The following PPP3CA variants were observed in gnomAD, a reference collection of about 807,000 sequenced individuals.
PPP3CA encodes protein phosphatase 3 catalytic subunit alpha.
In PPP3CA, 14 loss-of-function variants were observed where a neutral mutation model predicts 66.5. That is an observed-to-expected ratio of 0.21 (90% CI 0.14 to 0.33). The LOEUF is 0.33. Ranked by LOEUF, PPP3CA falls within the 10% of genes least tolerant of loss-of-function variation. PPP3CA has a pLI of 1.00. For missense variants in PPP3CA, 317 were observed against 639.5 expected, an observed-to-expected ratio of 0.50 and a Z score of 5.44; for synonymous variants, 232 against 226.2, an observed-to-expected ratio of 1.03 and a Z score of -0.23.
At chr4:101,211,236 T>A (rs938226039) in intron 1 of PPP3CA, among the ~76,000 whole-genome samples, 8 of 152,150 alleles carry the variant, frequency 5.3e-5, no homozygotes, top group Admixed American at 3.9e-4. Flanking sequence ...TCCCTGTAGA[T>A]AAGTGACTCA....
At chr4:101,097,221 T>C (rs1224200175) in intron 5 of PPP3CA, among the ~76,000 whole-genome samples, 1 of 152,148 alleles carries the variant, frequency 6.6e-6, no homozygotes, top group East Asian at 1.9e-4. Flanking sequence ...ATCTTTATAG[T>C]TCAAATACAG....
At chr4:101,109,229 A>C (rs1721570931) in intron 2 of PPP3CA, 151 bp from the exon 3 acceptor site, 1 of 865,384 alleles carries the variant, frequency 1.2e-6, no homozygotes, top group African/African-American at 1.7e-5. Context: ...AGAAAAGCTA[A>C]GTATTTTGCT....
intron 1 of PPP3CA, among the ~76,000 whole-genome samples, chr4:101,268,153 C>A (rs1050711329): frequency 1.3e-5 from 2 of 151,816 alleles, no homozygotes; most frequent in African/African-American, 2.4e-5. Flanking sequence ...GCCTGGGGAA[C>A]ATAGAGAGAT....
chr4:101,330,153 T>TTTG (rs1191525316), intron 1 of PPP3CA: 6 of 362,638 alleles, frequency 1.7e-5, no homozygotes, highest in African/African-American at 1.3e-4. Flanking sequence ...AATATCCACA[T>TTTG]TAACAAGAGT....
intron 2 of PPP3CA, among the ~76,000 whole-genome samples, chr4:101,166,270 A>C (rs1473754863): frequency 6.6e-6 from 1 of 152,094 alleles, no homozygotes; most frequent in African/African-American, 2.4e-5. Flanking sequence ...GGCTTTTCTG[A>C]GGTACACAAT....
At chr4:101,155,386 G>C (rs1215620359) in intron 2 of PPP3CA, among the ~76,000 whole-genome samples, 1 of 152,180 alleles carries the variant, frequency 6.6e-6, no homozygotes, top group Non-Finnish European at 1.5e-5. Flanking sequence ...CCCCTGAAGA[G>C]GTAAGGTAGG....
intron 3 of PPP3CA, among the ~76,000 whole-genome samples, chr4:101,101,981 C>T (rs975850820): frequency 6.6e-6 from 1 of 152,098 alleles, no homozygotes; most frequent in African/African-American, 2.4e-5. Context: ...TGTTAAAGAC[C>T]TTTTTCTGAC....
chr4:101,129,101 T>A (rs1300228748), intron 2 of PPP3CA, among the ~76,000 whole-genome samples: 2 of 152,094 alleles, frequency 1.3e-5, no homozygotes, highest in African/African-American at 4.8e-5. Context: ...AGTAGGCAGT[T>A]TTCCCCTCAC....
intron 6 of PPP3CA, among the ~76,000 whole-genome samples, chr4:101,093,396 A>G (rs1730043760): frequency 6.7e-6 from 1 of 148,232 alleles, no homozygotes; most frequent in African/African-American, 2.5e-5. Flanking sequence ...TGATTAAGGT[A>G]TGTACATTTG....
At chr4:101,147,720 A>G (rs1256118228) in intron 2 of PPP3CA, among the ~76,000 whole-genome samples, 2 of 152,248 alleles carry the variant, frequency 1.3e-5, no homozygotes, top group African/African-American at 4.8e-5. Context: ...ACACACACAC[A>G]CACACCCATA....
chr4:101,312,605 T>A (rs188300594), intron 1 of PPP3CA, among the ~76,000 whole-genome samples: 66 of 152,192 alleles, frequency 4.3e-4, no homozygotes, highest in African/African-American at 1.6e-3. Context: ...TTCAGACTTA[T>A]GTGAAAAATT....
intron 1 of PPP3CA, among the ~76,000 whole-genome samples, chr4:101,278,145 A>AAATAAATT (rs1560694564): frequency 2.0e-5 from 3 of 148,500 alleles, no homozygotes; most frequent in African/African-American, 7.7e-5. Context: ...AAAAATAAAA[A>AAATAAATT]AATTAAAAAG....
intron 1 of PPP3CA, among the ~76,000 whole-genome samples, chr4:101,224,629 C>T (rs1578569716): frequency 6.6e-6 from 1 of 151,732 alleles, no homozygotes; most frequent in Non-Finnish European, 1.5e-5. Context: ...TGAAGCTGGA[C>T]TTTGAAAAAC....
At chr4:101,095,476 T>C (rs1484358459) in intron 5 of PPP3CA, among the ~76,000 whole-genome samples, 2 of 152,232 alleles carry the variant, frequency 1.3e-5, no homozygotes, top group Non-Finnish European at 2.9e-5. Context: ...TCTGGCCATG[T>C]GCAGAGCTTA....
At chr4:101,108,735 C>T (rs1578455390) in intron 3 of PPP3CA, among the ~76,000 whole-genome samples, 1 of 152,204 alleles carries the variant, frequency 6.6e-6, no homozygotes, top group Admixed American at 6.5e-5. Flanking sequence ...CGCCACTGCA[C>T]TCCAGCCTGG....
chr4:101,030,684 A>G (rs1409709249), intron 12 of PPP3CA, among the ~76,000 whole-genome samples: 1 of 152,164 alleles, frequency 6.6e-6, no homozygotes, highest in Non-Finnish European at 1.5e-5. Context: ...CGTAAGTTTA[A>G]AAGTAAAGCA....
intron 1 of PPP3CA, among the ~76,000 whole-genome samples, chr4:101,196,910 C>T (rs1354193540): frequency 6.6e-6 from 1 of 152,140 alleles, no homozygotes; most frequent in Non-Finnish European, 1.5e-5. Flanking sequence ...TCACTCATTC[C>T]GCCAGAGGAC....
intron 2 of PPP3CA, among the ~76,000 whole-genome samples, chr4:101,120,221 A>G (rs1327115870): frequency 1.3e-5 from 2 of 152,154 alleles, no homozygotes. Context: ...TAAAACACTG[A>G]AACATGAAAT....
intron 1 of PPP3CA, among the ~76,000 whole-genome samples, chr4:101,285,433 C>A (rs538600040): frequency 6.6e-6 from 1 of 152,100 alleles, no homozygotes; most frequent in African/African-American, 2.4e-5. Context: ...AACCCCTGTA[C>A]ATATCAAATC....
Sources: allele counts gnomAD v4.1 joint callset (sites outside exome capture counted in the v4.1 genomes callset), GRCh38; gene constraint gnomAD v4.1.1; transcripts MANE v1.5; gene names NCBI Gene and HGNC (gene_info 2026-07-23, HGNC 2026-07-21).